Variants in CLDN10 observed in about 807,000 individuals in gnomAD.
CLDN10 encodes the protein claudin-10.
In CLDN10, 15 loss-of-function variants were observed where a neutral mutation model predicts 22.9. The ratio of observed to expected loss-of-function variants is 0.65; its 90% confidence interval spans 0.44 to 1.01. The LOEUF is 1.01. Ranked by LOEUF, CLDN10 falls within the 50% of genes least tolerant of loss-of-function variation. CLDN10 has a pLI of 0.00. For synonymous variants in CLDN10, 114 were observed against 111.4 expected (o/e 1.02, Z -0.15); for missense variants, 247 against 287.8 (o/e 0.86, Z 1.03).
chr13:95,481,325 G>A (rs2042745278), intron 1 of CLDN10, among the ~76,000 whole-genome samples: 1 of 152,186 alleles, frequency 6.6e-6, no homozygotes, highest in Non-Finnish European at 1.5e-5. Flanking sequence ...GATGGCCGGG[G>A]CAGAACCCTC....
intron 1 of CLDN10, among the ~76,000 whole-genome samples, chr13:95,472,030 A>G (rs1373093252): frequency 6.9e-6 from 1 of 145,392 alleles, no homozygotes; most frequent in Non-Finnish European, 1.5e-5. Flanking sequence ...GCGATCCTCC[A>G]GCCTCAGCCT....
intron 1 of CLDN10, among the ~76,000 whole-genome samples, chr13:95,559,722 A>G (rs962276062): frequency 2.0e-5 from 3 of 152,220 alleles, no homozygotes; most frequent in Non-Finnish European, 2.9e-5. Flanking sequence ...CAGAGTTGTG[A>G]TGGTGGCAGA....
chr13:95,464,512 T>G (rs1197506647), intron 1 of CLDN10, among the ~76,000 whole-genome samples: 1 of 152,160 alleles, frequency 6.6e-6, no homozygotes, highest in Non-Finnish European at 1.5e-5. Context: ...TGTTGGACAT[T>G]TGGGTTGGTT....
At chr13:95,547,556 T>C (rs1471718496) in intron 1 of CLDN10, among the ~76,000 whole-genome samples, 1 of 152,230 alleles carries the variant, frequency 6.6e-6, no homozygotes, top group Non-Finnish European at 1.5e-5. Context: ...TTCATATACA[T>C]TGTCTCTATT....
At position 95,488,591 on chromosome 13, in the gene CLDN10, C is replaced by G. The variant is rs1180243187; in HGVS notation, c.214+54544C>G. On this transcript the variant is annotated intron_variant, in intron 1 of 4. Coordinates refer to the CLDN10 transcript ENST00000376873. The stretch of plus-strand genomic sequence containing the variant: ...CTTTGCATCCTCATAGCTTAGCTCC[C>G]ACATATCAGTGAGAACATATGATGT... Among the ~76,000 whole-genome samples, 4 of 152,148 alleles carry G rather than the reference C, an allele frequency of 2.6e-5. No homozygotes were observed. The East Asian group carries it at 7.7e-4, about 29-fold the overall frequency.
intron 1 of CLDN10, among the ~76,000 whole-genome samples, chr13:95,485,668 C>A (rs1478344186): frequency 2.6e-5 from 4 of 152,180 alleles, no homozygotes; most frequent in African/African-American, 4.8e-5. Flanking sequence ...AGTTTACACA[C>A]ATTCACTGGA....
rs561670518 is a variant in CLDN10 at position 95,536,735 on chromosome 13, CTT to C, written c.215-23395_215-23394del. The stretch of plus-strand genomic sequence containing the variant: ...GCTTTGCAATGTCCTCACACCTGTT[CTT>C]TCTCGTCCTTTCCCACGGTCCTTAC... On this transcript the variant is annotated intron_variant, in intron 1 of 4. Coordinates refer to the CLDN10 transcript ENST00000376873. 6.6e-5 allele frequency among the ~76,000 whole-genome samples: 10 copies of C among 152,310 alleles called. No homozygotes were observed. In the South Asian group the frequency reaches 2.1e-3, roughly 32 times the overall value.
intron 3 of CLDN10, among the ~76,000 whole-genome samples, chr13:95,563,209 G>GGGGAGAGAGAGA (rs1476892851): frequency 2.2e-3 from 320 of 147,628 alleles, no homozygotes; most frequent in African/African-American, 7.4e-3. Flanking sequence ...AGTTAAGAGA[G>GGGGAGAGAGAGA]GAGAGAGAGA....
chr13:95,438,882 G>A (rs1038321187), intron 1 of CLDN10, among the ~76,000 whole-genome samples: 3 of 149,854 alleles, frequency 2.0e-5, no homozygotes, highest in Non-Finnish European at 4.4e-5. Context: ...GGGAGGCTGA[G>A]GAAGGAGAAT....
At chr13:95,577,851 T>C in intron 4 of CLDN10, 49 bp from the exon 5 acceptor site, 1 of 1,210,578 alleles carries the variant, frequency 8.3e-7, no homozygotes, top group Non-Finnish European at 1.2e-6. Context: ...CCATTTTTGT[T>C]TGCCCTATGT....
intron 1 of CLDN10, among the ~76,000 whole-genome samples, chr13:95,497,613 C>T (rs1472771002): frequency 1.3e-5 from 2 of 152,216 alleles, no homozygotes; most frequent in Non-Finnish European, 2.9e-5. Flanking sequence ...ACAACCATAC[C>T]TACCTCACCA....
intron 1 of CLDN10, among the ~76,000 whole-genome samples, chr13:95,447,157 C>G (rs1594524415): frequency 6.6e-6 from 1 of 152,196 alleles, no homozygotes; most frequent in Admixed American, 6.5e-5. Flanking sequence ...AGAATGTGGA[C>G]ATTTGTGAGG....
chr13:95,539,056 T>C (rs2043432351), intron 1 of CLDN10, among the ~76,000 whole-genome samples: 2 of 152,262 alleles, frequency 1.3e-5, no homozygotes, highest in African/African-American at 4.8e-5. Context: ...ATTTTTGTAT[T>C]TTTGTAGAGA....
chr13:95,565,494 A>G (rs544538987), intron 3 of CLDN10, among the ~76,000 whole-genome samples: 25 of 152,196 alleles, frequency 1.6e-4, no homozygotes, highest in African/African-American at 6.0e-4. Context: ...TTATTTCCAG[A>G]CTTTTCAAAA....
At chr13:95,458,080 C>A (rs1049450179) in intron 1 of CLDN10, among the ~76,000 whole-genome samples, 5 of 152,160 alleles carry the variant, frequency 3.3e-5, no homozygotes, top group African/African-American at 1.2e-4. Flanking sequence ...CTTGGTTCTG[C>A]TCTACCTGTC....
chr13:95,557,174 A>G (rs2043650169), intron 1 of CLDN10, among the ~76,000 whole-genome samples: 1 of 152,234 alleles, frequency 6.6e-6, no homozygotes, highest in Admixed American at 6.5e-5. Context: ...AGAACTTCTA[A>G]ATAAATATGT....
At chr13:95,537,479 A>G (rs1025448741) in intron 1 of CLDN10, among the ~76,000 whole-genome samples, 1 of 152,286 alleles carries the variant, frequency 6.6e-6, no homozygotes, top group East Asian at 1.9e-4. Context: ...GATGGGGATG[A>G]TATGCCAAAA....
chr13:95,540,771 A>C (rs2043452180), intron 1 of CLDN10, among the ~76,000 whole-genome samples: 3 of 152,190 alleles, frequency 2.0e-5, no homozygotes, highest in Admixed American at 2.0e-4. Flanking sequence ...ATAGGGAGTG[A>C]AGTTTTTTTG....
intron 1 of CLDN10, among the ~76,000 whole-genome samples, chr13:95,435,307 T>C (rs1040149236): frequency 3.3e-5 from 5 of 152,300 alleles, no homozygotes; most frequent in African/African-American, 1.2e-4. Context: ...AGTCAAATAG[T>C]AAAACTGTAC....
Sources: gnomAD v4.1 joint callset for allele counts (sites outside exome capture counted in the v4.1 genomes callset) on GRCh38, gnomAD v4.1.1 for gene constraint, MANE v1.5 for transcripts, NCBI Gene and HGNC (gene_info 2026-07-23, HGNC 2026-07-21) for gene names.